Variants in CLASP1 observed in about 807,000 individuals in gnomAD.
The protein encoded by CLASP1 is cytoplasmic linker associated protein 1, also known as CLIP-associating protein 1.
A neutral mutation model predicts 192.3 loss-of-function variants in CLASP1; 38 were observed. The ratio of observed to expected loss-of-function variants is 0.20; its 90% CI spans 0.15 to 0.26. CLASP1 has a LOEUF of 0.26. CLASP1 is among the 10% of genes least tolerant of loss of function. The pLI is 1.00. For synonymous variants in CLASP1, 691 were observed against 712.8 expected, an observed-to-expected ratio of 0.97 and a Z score of 0.49; for missense variants, 1,433 against 1,932.5, an observed-to-expected ratio of 0.74 and a Z score of 4.85.
At chr2:121,375,644 G>A (rs546251386) in intron 34 of CLASP1, among the ~76,000 whole-genome samples, 1 of 152,250 alleles carries the variant, frequency 6.6e-6, no homozygotes, top group African/African-American at 2.4e-5. Flanking sequence ...TTACAGGTGT[G>A]AGCCACCGCA....
At chr2:121,440,658 T>C (rs1186841701) in intron 19 of CLASP1, among the ~76,000 whole-genome samples, 1 of 152,154 alleles carries the variant, frequency 6.6e-6, no homozygotes, top group African/African-American at 2.4e-5. Flanking sequence ...GCCATTGTAC[T>C]CTAACCTAAG....
At chr2:121,457,458 T>TACACACACACAC (rs112547655) in intron 14 of CLASP1, among the ~76,000 whole-genome samples, 60 of 143,552 alleles carry the variant, frequency 4.2e-4, no homozygotes, top group African/African-American at 1.5e-3. Flanking sequence ...CACACAGACA[T>TACACACACACAC]ACACACACAC....
chr2:121,429,331 C>A (rs1031526885), intron 20 of CLASP1, among the ~76,000 whole-genome samples: 1 of 152,164 alleles, frequency 6.6e-6, no homozygotes, highest in African/African-American at 2.4e-5. Context: ...GACAGGAAGA[C>A]TCTTCCTTCC....
intron 2 of CLASP1, among the ~76,000 whole-genome samples, chr2:121,597,893 A>C (rs1158744237): frequency 1.3e-5 from 2 of 152,208 alleles, no homozygotes; most frequent in African/African-American, 4.8e-5. Context: ...CTCCAGTTGC[A>C]TAGCCCAGGC....
chr2:121,591,862 TCTAA>T (rs971167852), intron 2 of CLASP1, among the ~76,000 whole-genome samples: 2 of 152,230 alleles, frequency 1.3e-5, no homozygotes, highest in South Asian at 4.1e-4. Flanking sequence ...GACAGCCATC[TCTAA>T]CAGCTCCTTC....
chr2:121,616,379 G>A (rs951881447), intron 1 of CLASP1, among the ~76,000 whole-genome samples: 5 of 152,058 alleles, frequency 3.3e-5, no homozygotes, highest in Non-Finnish European at 5.9e-5. Context: ...CCTGGGAGGC[G>A]GAGGTTGCAG....
chr2:121,609,239 T>C (rs2064866846), intron 1 of CLASP1, among the ~76,000 whole-genome samples: 1 of 152,206 alleles, frequency 6.6e-6, no homozygotes, highest in Admixed American at 6.5e-5. Flanking sequence ...CTGTGATTTA[T>C]AAATATATAT....
At chr2:121,449,873 C>T (rs1559243802) in intron 16 of CLASP1, among the ~76,000 whole-genome samples, 1 of 152,036 alleles carries the variant, frequency 6.6e-6, no homozygotes, top group Non-Finnish European at 1.5e-5. Context: ...ACGTTGCAGG[C>T]TAGTACAATT....
At chr2:121,491,893 GAAC>G (rs1211062577) in intron 8 of CLASP1, among the ~76,000 whole-genome samples, 1 of 152,132 alleles carries the variant, frequency 6.6e-6, no homozygotes, top group Admixed American at 6.5e-5. Flanking sequence ...AAGCATCAGA[GAAC>G]AACATAATTT....
chr2:121,571,526 T>C (rs1463135650), intron 2 of CLASP1, among the ~76,000 whole-genome samples: 1 of 152,146 alleles, frequency 6.6e-6, no homozygotes, highest in African/African-American at 2.4e-5. Flanking sequence ...ATCAATATTA[T>C]AGTTGAAACA....
chr2:121,390,767 CAA>C (rs916145230), intron 30 of CLASP1, among the ~76,000 whole-genome samples: 1 of 152,132 alleles, frequency 6.6e-6, no homozygotes, highest in African/African-American at 2.4e-5. Flanking sequence ...ATAAAGTCAC[CAA>C]AGAGAAACTA....
chr2:121,520,443 C>T (rs373150081), intron 6 of CLASP1, among the ~76,000 whole-genome samples: 9 of 152,346 alleles, frequency 5.9e-5, no homozygotes, highest in African/African-American at 1.4e-4. Flanking sequence ...AAGAGCCCAC[C>T]CCTGGCTCCC....
chr2:121,348,602 A>G, exon 38 of CLASP1: 1 of 1,613,968 alleles, frequency 6.2e-7, no homozygotes, highest in Non-Finnish European at 8.5e-7. Flanking sequence ...TCTTGATGGC[A>G]GCAAGGTTGA....
At chr2:121,381,933 C>T (rs898510655) in intron 33 of CLASP1, among the ~76,000 whole-genome samples, 3 of 152,138 alleles carry the variant, frequency 2.0e-5, no homozygotes, top group Admixed American at 1.3e-4. Context: ...GAGCACTGCA[C>T]TGTACAGAAA....
In CLASP1 at chr2:121,448,844, C is replaced by T. The variant is rs988852182; in HGVS notation, c.1691+109G>A. The T allele has an allele frequency of 1.5e-5, 16 of 1,046,758 alleles. No homozygotes were observed. The African/African-American group carries it at 1.8e-4, about 11-fold the overall frequency. The allele number at this position is 1,046,758 out of a possible 1,614,324, so 64.8% of individuals were successfully genotyped here. On this transcript the variant is annotated intron_variant, in intron 17 of 39. Coordinates refer to ENST00000263710, the Ensembl canonical transcript of CLASP1. ...CCAGGATCTACCTCAAGTAAGGGGG[C>T]GTTTTAACAAGCACCCATGTAAAAA...
At chr2:121,580,640 C>T (rs1189317956) in intron 2 of CLASP1, among the ~76,000 whole-genome samples, 1 of 152,168 alleles carries the variant, frequency 6.6e-6, no homozygotes. Flanking sequence ...TGCACCATCG[C>T]CTGGATAAAC....
intron 28 of CLASP1, among the ~76,000 whole-genome samples, chr2:121,399,473 C>T (rs144612871): frequency 6.6e-6 from 1 of 152,186 alleles, no homozygotes; most frequent in East Asian, 1.9e-4. Flanking sequence ...TGTGTATAAT[C>T]GGGAAATACG....
chr2:121,478,956 ACACACAC>A (rs2092283521), intron 8 of CLASP1, among the ~76,000 whole-genome samples: 1 of 33,458 alleles, frequency 3.0e-5, no homozygotes, highest in Non-Finnish European at 5.8e-5. Context: ...CACACCACAC[ACACACAC>A]CACACACACC....
rs912815640 is a variant in CLASP1, at chr2:121,627,336, A to C, written c.-285-21156T>G. Among the ~76,000 whole-genome samples, 21 of 152,356 alleles carry C rather than the reference A, an allele frequency of 1.4e-4. No homozygotes were observed. In the East Asian group the frequency reaches 3.9e-3, roughly 28 times the overall value. ...AAAAGTGGAAAGACACATGAAATGG[A>C]AAGGCTCTTGGTTCCAGTTTCCTAA... is the stretch of plus-strand genomic sequence containing the variant. On this transcript the variant is annotated intron_variant, in intron 1 of 39. Coordinates refer to ENST00000263710, the Ensembl canonical transcript of CLASP1.
Sources: gnomAD v4.1 joint callset for allele counts (sites outside exome capture counted in the v4.1 genomes callset) on GRCh38, gnomAD v4.1.1 for gene constraint, MANE v1.5 for transcripts, NCBI Gene and HGNC (gene_info 2026-07-23, HGNC 2026-07-21) for gene names.